The following DIAPH2 variants were observed in gnomAD, a reference collection of about 807,000 sequenced individuals.
The protein encoded by DIAPH2 is protein diaphanous homolog 2.
Under a neutral mutation model 92.7 loss-of-function variants are expected in DIAPH2, and 35 were observed. That is an observed-to-expected ratio of 0.38 (90% CI 0.29 to 0.50). The LOEUF is 0.50. Among genes scored for constraint, DIAPH2 ranks in the 20% least tolerant of loss-of-function variants. The pLI is 0.94. For synonymous variants in DIAPH2, 301 were observed against 280.4 expected (o/e 1.07, Z -0.73); for missense variants, 701 against 819.5 (o/e 0.86, Z 1.77).
At chrX:97,517,341 C>T (rs374310645) in intron 26 of DIAPH2, among the ~76,000 whole-genome samples, 1 of 111,861 alleles carries the variant, frequency 8.9e-6, no homozygotes, top group Non-Finnish European at 1.9e-5. Context: ...CAGCCTATCT[C>T]GATTTCTGTA....
At chrX:97,115,066 G>A (rs1166321512) in intron 21 of DIAPH2, 101 bp downstream of exon 21, 2 of 789,806 alleles carry the variant, frequency 2.5e-6, no homozygotes, top group Non-Finnish European at 3.5e-6. Context: ...AAAATTGTAT[G>A]CTTAAAAAGG....
intron 26 of DIAPH2, among the ~76,000 whole-genome samples, chrX:97,510,815 G>C (rs1462447259): frequency 2.1e-5 from 2 of 95,142 alleles, no homozygotes; most frequent in African/African-American, 7.5e-5. Flanking sequence ...AGATCAGATA[G>C]TTGTAGATAT....
chrX:97,447,755 T>A (rs943998491), intron 26 of DIAPH2, among the ~76,000 whole-genome samples: 4 of 111,822 alleles, frequency 3.6e-5, no homozygotes, highest in Non-Finnish European at 5.6e-5. Flanking sequence ...GTTTGGGTTA[T>A]AGGACTACAA....
At chrX:96,735,884 A>G (rs5949989) in intron 2 of DIAPH2, 94 bp downstream of exon 2, 102,825 of 492,379 alleles carry the variant, frequency 0.21, 7,960 homozygotes, top group Admixed American at 0.3. Context: ...TGTAAGATAC[A>G]AAATGTCTGG....
intron 4 of DIAPH2, among the ~76,000 whole-genome samples, chrX:96,868,936 A>T (rs1190793888): frequency 2.7e-5 from 3 of 112,050 alleles, no homozygotes; most frequent in Non-Finnish European, 1.9e-5. Context: ...GTGTCCAATT[A>T]AAATTTTATG....
intron 17 of DIAPH2, among the ~76,000 whole-genome samples, chrX:96,977,538 G>A (rs1053127970): frequency 1.8e-5 from 2 of 111,658 alleles, no homozygotes; most frequent in Non-Finnish European, 3.8e-5. Context: ...TTAGCTATGA[G>A]TTAATGAGAC....
At chrX:97,341,976 C>A (rs935442515) in intron 23 of DIAPH2, among the ~76,000 whole-genome samples, 1 of 112,050 alleles carries the variant, frequency 8.9e-6, no homozygotes, top group African/African-American at 3.2e-5. Flanking sequence ...ACTATTACAT[C>A]TACTAAAATA....
At chrX:97,320,284 G>T (rs1034560063) in intron 23 of DIAPH2, among the ~76,000 whole-genome samples, 11 of 109,648 alleles carry the variant, frequency 1.0e-4, no homozygotes, top group African/African-American at 3.6e-4. Flanking sequence ...CAGCATAAAG[G>T]ACCGTATGTT....
chrX:97,589,384 A>T (rs1321173965), intron 26 of DIAPH2, among the ~76,000 whole-genome samples: 1 of 105,157 alleles, frequency 9.5e-6, no homozygotes, highest in Non-Finnish European at 1.9e-5. Flanking sequence ...TTATTGGTGT[A>T]TATCCCTCTA....
At chrX:97,354,865 A>G (rs1188033749) in intron 24 of DIAPH2, among the ~76,000 whole-genome samples, 1 of 112,384 alleles carries the variant, frequency 8.9e-6, no homozygotes. Context: ...CCTAAGAGGA[A>G]CTGTGTCTCT....
At chrX:96,801,930 A>C (rs914828009) in intron 4 of DIAPH2, among the ~76,000 whole-genome samples, 2 of 111,692 alleles carry the variant, frequency 1.8e-5, no homozygotes, top group African/African-American at 6.5e-5. Flanking sequence ...ACAAACCATA[A>C]TATTACAGCT....
intron 21 of DIAPH2, among the ~76,000 whole-genome samples, chrX:97,120,754 ATAACAT>A (rs2067051994): frequency 9.2e-6 from 1 of 108,677 alleles, no homozygotes; most frequent in Non-Finnish European, 1.9e-5. Context: ...TAGAATATCT[ATAACAT>A]GTAAAGCCTC....
intron 4 of DIAPH2, among the ~76,000 whole-genome samples, chrX:96,860,754 A>G (rs924105004): frequency 8.9e-6 from 1 of 111,878 alleles, no homozygotes; most frequent in African/African-American, 3.3e-5. Context: ...AGACACTAGA[A>G]TGACTTAGAT....
chrX:97,493,244 A>G (rs1001777609), intron 26 of DIAPH2, among the ~76,000 whole-genome samples: 3 of 93,612 alleles, frequency 3.2e-5, no homozygotes, highest in African/African-American at 6.7e-5. Flanking sequence ...TTATTTATTT[A>G]TTTATTTATT....
intron 19 of DIAPH2, among the ~76,000 whole-genome samples, chrX:97,077,417 G>T (rs1404927775): frequency 8.9e-6 from 1 of 112,579 alleles, no homozygotes; most frequent in African/African-American, 3.2e-5. Context: ...GGCATTAAAT[G>T]TGTATCATCA....
chrX:97,510,098 T>G (rs1304492281), intron 26 of DIAPH2, among the ~76,000 whole-genome samples: 3 of 110,446 alleles, frequency 2.7e-5, no homozygotes, highest in Non-Finnish European at 5.7e-5. Context: ...ACTTCCACAA[T>G]GGTTGAACTA....
rs2068572677 is a variant in DIAPH2 at position 97,289,571 on chromosome X, A to G, written c.2844+41732A>G. Among the ~76,000 whole-genome samples, 4 of 111,378 alleles carry G rather than the reference A, an allele frequency of 3.6e-5. No individual in the cohort carries two copies. In the Admixed American group the frequency reaches 3.9e-4, roughly 11 times the overall value. On this transcript the variant is annotated intron_variant, in intron 23 of 26. Coordinates refer to ENST00000324765, the MANE Select transcript of DIAPH2 (RefSeq NM_006729.5). ...ATCATCTGGGGAACTTTTAAAAAAT[A>G]CTGATGCCTGGACACCATCCCAGAT...
intron 25 of DIAPH2, among the ~76,000 whole-genome samples, chrX:97,385,393 C>G (rs183914279): frequency 1.8e-5 from 2 of 110,226 alleles, no homozygotes; most frequent in Admixed American, 1.9e-4. Context: ...CTACCATGCC[C>G]AGCTAATTTT....
chrX:97,215,329 C>A (rs914789060), intron 22 of DIAPH2, among the ~76,000 whole-genome samples: 13 of 111,340 alleles, frequency 1.2e-4, no homozygotes, highest in African/African-American at 4.2e-4. Flanking sequence ...GGAGATTTTT[C>A]TTTCTAATGC....
Sources: allele counts gnomAD v4.1 joint callset (sites outside exome capture counted in the v4.1 genomes callset), GRCh38; gene constraint gnomAD v4.1.1; transcripts MANE v1.5; gene names NCBI Gene and HGNC (gene_info 2026-07-23, HGNC 2026-07-21).